The following KIF3B variants were observed in gnomAD, a reference collection of about 807,000 sequenced individuals.
The protein encoded by KIF3B is kinesin-like protein KIF3B.
In KIF3B, 38 loss-of-function variants were observed where a neutral mutation model predicts 74.3. That is an observed-to-expected ratio of 0.51 (90% confidence interval 0.39 to 0.67). KIF3B has a LOEUF of 0.67. KIF3B is among the 30% of genes least tolerant of loss of function. The pLI is 0.00. For synonymous variants in KIF3B, 326 were observed against 342.5 expected, an observed-to-expected ratio of 0.95 and a Z score of 0.53; for missense variants, 649 against 932.0, an observed-to-expected ratio of 0.70 and a Z score of 3.95.
In KIF3B at chr20:32,316,666, G is replaced by C. The variant is rs2047829122; in HGVS notation, c.1629+17G>C. 6.2e-7 allele frequency: 1 copy of C among 1,613,966 alleles called. No individual in the cohort carries two copies. Among genetic ancestry groups the C allele is most frequent in the Non-Finnish European group, 8.5e-7 (1 of 1,180,016 alleles). On this transcript the variant is annotated intron_variant, in intron 4 of 8. Transcript: ENST00000375712. ...CTCAAAAAGGTATGAAAGGAATGAG[G>C]CCAGATGGAGTTGCCTTGAGACTTG...
chr20:32,321,114 A>G (rs532991088), intron 5 of KIF3B, among the ~76,000 whole-genome samples: 8 of 152,094 alleles, frequency 5.3e-5, no homozygotes, highest in Admixed American at 3.3e-4. Context: ...TTTCTCTCCC[A>G]TTTCATTGTC....
chr20:32,281,553 T>C, intron 1 of KIF3B, among the ~76,000 whole-genome samples: 1 of 152,064 alleles, frequency 6.6e-6, no homozygotes. Flanking sequence ...CCCATCTCTA[T>C]TAAAAATACA....
intron 1 of KIF3B, among the ~76,000 whole-genome samples, chr20:32,304,244 G>C (rs1019978806): frequency 6.6e-6 from 1 of 152,198 alleles, no homozygotes; most frequent in Non-Finnish European, 1.5e-5. Context: ...GTGAAGGGCA[G>C]TGGGGGAATA....
At chr20:32,306,825 C>T (rs1252528096) in intron 1 of KIF3B, among the ~76,000 whole-genome samples, 5 of 151,954 alleles carry the variant, frequency 3.3e-5, no homozygotes. Flanking sequence ...GATCTCTTGA[C>T]CTTGTGATCC....
At chr20:32,312,995 G>C (rs1377125066) in intron 2 of KIF3B, among the ~76,000 whole-genome samples, 1 of 152,122 alleles carries the variant, frequency 6.6e-6, no homozygotes, top group African/African-American at 2.4e-5. Flanking sequence ...GCAGTACCCT[G>C]ATTACACAAG....
intron 1 of KIF3B, among the ~76,000 whole-genome samples, chr20:32,287,848 C>T (rs2047674078): frequency 6.9e-6 from 1 of 144,858 alleles, no homozygotes; most frequent in Non-Finnish European, 1.5e-5. Flanking sequence ...GTCCATTTCC[C>T]TTCTTAGGAT....
intron 5 of KIF3B, among the ~76,000 whole-genome samples, chr20:32,319,433 T>C (rs940755813): frequency 3.3e-5 from 5 of 151,554 alleles, no homozygotes; most frequent in Non-Finnish European, 4.4e-5. Context: ...TGGAGAAATA[T>C]CTATACAAAT....
At chr20:32,284,019 G>A (rs1044954699) in intron 1 of KIF3B, among the ~76,000 whole-genome samples, 3 of 151,636 alleles carry the variant, frequency 2.0e-5, no homozygotes, top group Non-Finnish European at 2.9e-5. Context: ...GGGCTCAAGC[G>A]ATCCTCCCAC....
chr20:32,303,857 CA>C (rs33920293), intron 1 of KIF3B, among the ~76,000 whole-genome samples: 34,220 of 120,214 alleles, frequency 0.28, 4,964 homozygotes, highest in African/African-American at 0.49. Context: ...CTCAGTCTCA[CA>C]AAAAAAAAAA....
At chr20:32,320,786 A>AT (rs1475497974) in intron 5 of KIF3B, among the ~76,000 whole-genome samples, 1 of 151,984 alleles carries the variant, frequency 6.6e-6, no homozygotes, top group Non-Finnish European at 1.5e-5. Flanking sequence ...TACTTTATTC[A>AT]TTTTTTATGA....
rs1331386508 is a variant in KIF3B, at chr20:32,331,252, C to T, written c.2177C>T (p.Ser726Phe). 1.2e-6 allele frequency: 2 copies of T among 1,613,366 alleles called. No homozygotes were observed. The highest frequency in any genetic ancestry group is 1.3e-5 in the African/African-American group (1 of 74,798). ...RPKSGRKSGS[S>F]SSSSGTPASQ... ...AAAAGTGGAAGGAAGTCGGGATCCT[C>T]CTCCTCTTCCTCAGGAACCCCTGCA... Residue 726 changes from serine to phenylalanine, a missense_variant, in exon 9 of 9, where the codon TCC becomes TTC. Transcript: ENST00000375712.
Position 32,310,863 on chromosome 20 carries a change from T to C in KIF3B, c.1086T>C (p.Ile362=). The stretch of plus-strand genomic sequence containing the variant: ...TCCTTCGAGAATTCCAGGAAGAGAT[T>C]GCTCGGCTCAAGGCCCAGCTGGAAA... ...DALLREFQEE[I]ARLKAQLEKR... is the part of the protein sequence containing the mutation. The change falls in exon 2 of 9, where the codon ATT becomes ATC. Residue 362 remains isoleucine (I), a synonymous_variant. Transcript: ENST00000375712. This position sits in a 1 kb window ranked among gnomAD's most constrained non-coding sequence, Gnocchi z 6.5. 2 of 1,613,014 alleles carry C rather than the reference T, an allele frequency of 1.2e-6. No homozygotes were observed. The highest frequency in any genetic ancestry group is 1.7e-6 in the Non-Finnish European group (2 of 1,179,928).
chr20:32,319,896 T>C (rs1223831095), intron 5 of KIF3B, among the ~76,000 whole-genome samples: 1 of 146,758 alleles, frequency 6.8e-6, no homozygotes, highest in Admixed American at 6.8e-5. Flanking sequence ...AATAATTAAG[T>C]TTTAAGAGTT....
intron 5 of KIF3B, among the ~76,000 whole-genome samples, chr20:32,318,042 C>T (rs893836751): frequency 6.6e-6 from 1 of 152,144 alleles, no homozygotes; most frequent in Non-Finnish European, 1.5e-5. Context: ...GTGGCTCATG[C>T]CTGTAATCCC....
At chr20:32,322,620 T>TTATATATTTATATATATTTATA (rs2047866338) in intron 5 of KIF3B, among the ~76,000 whole-genome samples, 3 of 111,160 alleles carry the variant, frequency 2.7e-5, no homozygotes, top group Non-Finnish European at 5.0e-5. Context: ...AAAAAAAATT[T>TTATATATTTATATATATTTATA]TATATATTTA....
At chr20:32,279,657 G>A (rs1459098157) in intron 1 of KIF3B, among the ~76,000 whole-genome samples, 3 of 152,108 alleles carry the variant, frequency 2.0e-5, no homozygotes, top group Non-Finnish European at 4.4e-5. Flanking sequence ...TAGAGATGGG[G>A]TTTCTCCATG....
chr20:32,305,535 TG>T (rs1466644091), intron 1 of KIF3B, among the ~76,000 whole-genome samples: 1 of 151,912 alleles, frequency 6.6e-6, no homozygotes, highest in Non-Finnish European at 1.5e-5. Flanking sequence ...TGTCTCTTTT[TG>T]TTTTTACTTT....
intron 1 of KIF3B, among the ~76,000 whole-genome samples, chr20:32,283,898 G>A (rs1440871626): frequency 2.0e-5 from 3 of 152,118 alleles, no homozygotes; most frequent in Non-Finnish European, 4.4e-5. Flanking sequence ...CTCTCAAAGT[G>A]CTGGGATTAC....
intron 2 of KIF3B, among the ~76,000 whole-genome samples, chr20:32,315,804 A>T (rs1569203611): frequency 6.6e-6 from 1 of 152,222 alleles, no homozygotes; most frequent in East Asian, 1.9e-4. Context: ...TCATGATGGC[A>T]TCTGGCGCCA....
Sources: gnomAD v4.1 joint callset for allele counts (sites outside exome capture counted in the v4.1 genomes callset) on GRCh38, gnomAD v4.1.1 for gene constraint, Gnocchi (gnomAD v3.1) non-coding constraint, MANE v1.5 for transcripts, NCBI Gene and HGNC (gene_info 2026-07-23, HGNC 2026-07-21) for gene names.